Variants in ABCG1 observed in about 807,000 individuals in gnomAD.
ABCG1 encodes the protein ATP binding cassette subfamily G member 1.
In ABCG1, 29 loss-of-function variants were observed where a neutral mutation model predicts 69.2. The ratio of observed to expected loss-of-function variants is 0.42; its 90% CI spans 0.31 to 0.57. ABCG1 has a LOEUF of 0.57. Among genes scored for constraint, ABCG1 ranks in the 20% least tolerant of loss-of-function variants. The probability of loss-of-function intolerance (pLI) is 0.15; values close to 1 mark genes in which losing one functional copy is unlikely to be tolerated. For synonymous variants in ABCG1, 370 were observed against 374.8 expected (o/e 0.99, Z 0.15); for missense variants, 718 against 898.1 (o/e 0.80, Z 2.56).
intron 2 of ABCG1, chr21:42,259,960 C>G (rs116982610): frequency 0.019 from 28,458 of 1,493,650 alleles, 348 homozygotes; most frequent in Middle Eastern, 0.031. Context: ...TGTTGGCTTG[C>G]TCTTCCCCTT....
chr21:42,245,283 G>A (rs187276730), intron 2 of ABCG1, among the ~76,000 whole-genome samples: 49 of 152,322 alleles, frequency 3.2e-4, no homozygotes, highest in Non-Finnish European at 6.9e-4. Flanking sequence ...CTCTCCACTG[G>A]CTCGCATATA....
At chr21:42,256,313 A>G in intron 2 of ABCG1, 3 of 1,546,114 alleles carry the variant, frequency 1.9e-6, no homozygotes, top group Non-Finnish European at 1.7e-6. Flanking sequence ...CCCGGAGTCT[A>G]CAGAGGGTGG....
rs1392108456 is a variant in ABCG1, at chr21:42,296,101, C to T, written c.1773-63C>T. The T allele has an allele frequency of 3.5e-6, 5 of 1,432,314 alleles. No individual in the cohort carries two copies. The African/African-American group carries it at 4.2e-5, about 12-fold the overall frequency. The allele number at this position is 1,432,314 out of a possible 1,614,324, so 88.7% of individuals were successfully genotyped here. A position where few individuals can be genotyped will look rare whatever the true frequency, so the allele number is the denominator to read the frequency against. ...CGCAGGGAGGGTGAACGACATTGAC[C>T]TTCAGCCAACGGCGTGGCTGGCTGG... On this transcript the variant is annotated intron_variant, in intron 14 of 14. Transcript: ENST00000398449. The surrounding 1 kb of genome is among the most constrained non-coding windows in gnomAD (Gnocchi z 5.4).
At chr21:42,282,719 ACT>A (rs971424041) in intron 6 of ABCG1, among the ~76,000 whole-genome samples, 6 of 152,102 alleles carry the variant, frequency 3.9e-5, no homozygotes, top group African/African-American at 1.4e-4. Flanking sequence ...TGGCTCAGCC[ACT>A]CTGAGGGCCA....
chr21:42,282,770 T>G (rs553267504), intron 6 of ABCG1, among the ~76,000 whole-genome samples: 1 of 152,276 alleles, frequency 6.6e-6, no homozygotes, highest in South Asian at 2.1e-4. Context: ...TGTCTTCAGG[T>G]GTGTTCTGGA....
chr21:42,291,521 C>T lies in ABCG1; in HGVS notation c.1518C>T (p.Cys506=), dbSNP rs1384639781. The change falls in exon 13 of 15, where the codon TGC becomes TGT. Residue 506 remains cysteine (C), a synonymous_variant. Coordinates refer to ENST00000398449, the MANE Select transcript of ABCG1 (RefSeq NM_016818.3). This position sits in a 1 kb window ranked among gnomAD's most constrained non-coding sequence, Gnocchi z 6.4. ...AGATCATGTTCCCAGTGGCCTACTGCAGCATCGTGTACTGGATGACGTCGC... is the reference window on the plus strand; with the variant it reads ...AGATCATGTTCCCAGTGGCCTACTGTAGCATCGTGTACTGGATGACGTCGC... ...PFQIMFPVAY[C]SIVYWMTSQP... 3 of 1,612,502 alleles carry T rather than the reference C, an allele frequency of 1.9e-6. No individual in the cohort carries two copies. The highest frequency in any genetic ancestry group is 2.5e-6 in the Non-Finnish European group (3 of 1,178,968).
chr21:42,269,113 C>A (rs560013008), intron 2 of ABCG1, among the ~76,000 whole-genome samples: 2 of 152,194 alleles, frequency 1.3e-5, no homozygotes, highest in African/African-American at 4.8e-5. Flanking sequence ...AGTGACCAGG[C>A]GTCTTCAGGC....
chr21:42,282,469 G>C (rs1342283366), intron 6 of ABCG1, 50 bp downstream of exon 6: 1 of 1,560,432 alleles, frequency 6.4e-7, no homozygotes, highest in African/African-American at 1.4e-5. Context: ...AGAACCCCCT[G>C]TATTCAGCGG....
In ABCG1 at chr21:42,211,010, A is replaced by G. The variant is rs1431841045; in HGVS notation, c.48+9287A>G. Among the ~76,000 whole-genome samples, 6 of 142,674 alleles carry G rather than the reference A, an allele frequency of 4.2e-5. No individual in the cohort carries two copies. The Admixed American group carries it at 4.3e-4, about 10-fold the overall frequency. 93.6% of individuals were successfully genotyped at this position (142,674 alleles called of 152,430 possible). A position where few individuals can be genotyped will look rare whatever the true frequency, so the allele number is the denominator to read the frequency against. ...AGTCTCCCTCTGTTGCCCAGGCTGG[A>G]GTGCAGTGGCGTGATCTCAGCTCAC... On this transcript the variant is annotated intron_variant, in intron 2 of 15. Coordinates refer to the ABCG1 transcript ENST00000398457.
intron 2 of ABCG1, among the ~76,000 whole-genome samples, chr21:42,228,199 C>A (rs1426629174): frequency 6.6e-6 from 1 of 152,222 alleles, no homozygotes; most frequent in Admixed American, 6.5e-5. Context: ...CAGATAGAGA[C>A]TTGCCCTACA....
chr21:42,246,279 T>G (rs967184878), intron 2 of ABCG1, among the ~76,000 whole-genome samples: 5 of 152,240 alleles, frequency 3.3e-5, no homozygotes, highest in African/African-American at 1.2e-4. Flanking sequence ...GAATGATAGT[T>G]GTCACTGGAT....
In ABCG1 at chr21:42,288,984, G is replaced by A. The variant is rs1447606648; in HGVS notation, c.1224+672G>A. On this transcript the variant is annotated intron_variant, in intron 10 of 14. Coordinates refer to ENST00000398449, the MANE Select transcript of ABCG1 (RefSeq NM_016818.3). The surrounding 1 kb of genome is among the most constrained non-coding windows in gnomAD (Gnocchi z 4.8). ...CTCACAATAACTCACCCATTGTCAT[G>A]AGCACAGACCCAAAGGAGAAGTCCA... Among the ~76,000 whole-genome samples the A allele has an allele frequency of 6.6e-6, 1 of 152,104 alleles. No homozygotes were observed. Among genetic ancestry groups the A allele is most frequent in the Non-Finnish European group, 1.5e-5 (1 of 68,036 alleles).
In ABCG1 at chr21:42,200,255, G is replaced by C. The variant is rs79803571; in HGVS notation, c.-100+406G>C. On this transcript the variant is annotated intron_variant, in intron 1 of 15. Coordinates refer to the ABCG1 transcript ENST00000398457. ...ATGTGCGGCCAGCCGGGCCATGGGG[G>C]TGAGGCCGGCTTGGTGGCTTGGATT... Among the ~76,000 whole-genome samples the C allele has an allele frequency of 6.2e-4, 94 of 152,356 alleles. 1 individual carries two copies. Among genetic ancestry groups the C allele is most frequent in the African/African-American group, 1.9e-3 (81 of 41,584 alleles).
intron 2 of ABCG1, among the ~76,000 whole-genome samples, chr21:42,249,184 G>C (rs745408876): frequency 6.6e-6 from 1 of 152,220 alleles, no homozygotes; most frequent in Non-Finnish European, 1.5e-5. Context: ...ATTCAAGAGA[G>C]TGGGGACATC....
At chr21:42,214,795 T>C (rs532923956), upstream of ABCG1, among the ~76,000 whole-genome samples, 18 of 152,324 alleles carry the variant, frequency 1.2e-4, no homozygotes, top group South Asian at 1.5e-3. Context: ...CTCTGCAGCC[T>C]TCTCCCCATT....
chr21:42,256,768 T>C (rs2068312923), intron 2 of ABCG1, among the ~76,000 whole-genome samples: 1 of 152,192 alleles, frequency 6.6e-6, no homozygotes, highest in Admixed American at 6.5e-5. Context: ...CTTAAGGAAC[T>C]GGGTCTGCAA....
Position 42,284,608 on chromosome 21 carries a change from G to C in ABCG1, c.783G>C (p.Gly261=). ...TCCAGGTGGTCTCGCTGATGAAAGGGCTCGCTCAAGGGGGTCGCTCCATCA... is the reference window on the plus strand; with the variant it reads ...TCCAGGTGGTCTCGCTGATGAAAGGCCTCGCTCAAGGGGGTCGCTCCATCA... ...SCFQVVSLMK[G]LAQGGRSIIC... Residue 261 remains glycine, a synonymous_variant, in exon 7 of 15, where the codon GGG becomes GGC. Transcript: ENST00000398449. 6.2e-7 allele frequency: 1 copy of C among 1,613,868 alleles called. No individual in the cohort carries two copies. Among genetic ancestry groups the C allele is most frequent in the Non-Finnish European group, 8.5e-7 (1 of 1,180,018 alleles).
intron 2 of ABCG1, chr21:42,256,735 G>C: frequency 7.2e-7 from 1 of 1,382,450 alleles, no homozygotes; most frequent in African/African-American, 1.5e-5. Flanking sequence ...AATAGGCTCT[G>C]GCTCTTCAGA....
At chr21:42,294,451 T>C in intron 13 of ABCG1, 91 bp from the exon 14 acceptor site, 2 of 1,007,402 alleles carry the variant, frequency 2.0e-6, no homozygotes, top group East Asian at 2.4e-5. Flanking sequence ...GCCCTGGCCC[T>C]GCCCGGGGGA....
Sources: gnomAD v4.1 joint callset for allele counts (sites outside exome capture counted in the v4.1 genomes callset) on GRCh38, gnomAD v4.1.1 for gene constraint, Gnocchi (gnomAD v3.1) non-coding constraint, MANE v1.5 for transcripts, NCBI Gene and HGNC (gene_info 2026-07-23, HGNC 2026-07-21) for gene names.